Variants in SDK1 observed in about 807,000 individuals in gnomAD.
The protein encoded by SDK1 is protein sidekick-1.
A neutral mutation model predicts 245.5 loss-of-function variants in SDK1; 157 were observed. That is an observed-to-expected ratio of 0.64 (90% CI 0.56 to 0.73). SDK1 has a LOEUF of 0.73. Among genes scored for constraint, SDK1 ranks in the 30% least tolerant of loss-of-function variants. The pLI, the probability that SDK1 is intolerant of heterozygous loss-of-function variation, is 0.00. For missense variants in SDK1, 3,583 were observed against 3,002.3 expected, an observed-to-expected ratio of 1.19 and a Z score of -4.52; for synonymous variants, 1,647 against 1,278.5, an observed-to-expected ratio of 1.29 and a Z score of -6.15.
chr7:3,480,854 T>C (rs1356317237), intron 1 of SDK1, among the ~76,000 whole-genome samples: 1 of 152,224 alleles, frequency 6.6e-6, no homozygotes, highest in Non-Finnish European at 1.5e-5. Flanking sequence ...GCAGCTTTGT[T>C]GGTTGTAGCC....
intron 44 of SDK1, among the ~76,000 whole-genome samples, chr7:4,247,600 C>A (rs1046974718): frequency 6.6e-6 from 1 of 152,270 alleles, no homozygotes; most frequent in Non-Finnish European, 1.5e-5. Context: ...GGGCCTGTCC[C>A]TGCTGCCGCT....
intron 4 of SDK1, among the ~76,000 whole-genome samples, chr7:3,723,390 A>T (rs1003004267): frequency 6.6e-6 from 1 of 152,172 alleles, no homozygotes; most frequent in African/African-American, 2.4e-5. Flanking sequence ...ATAAAAGGAA[A>T]CTTCTAAGGG....
At chr7:3,687,204 T>C (rs1304781079) in intron 4 of SDK1, among the ~76,000 whole-genome samples, 1 of 149,906 alleles carries the variant, frequency 6.7e-6, no homozygotes, top group African/African-American at 2.5e-5. Context: ...ATAGAGTCTC[T>C]CTCTGTCGCC....
rs188483779 is a variant in SDK1, at chr7:3,421,767, A to C, written c.298+119883A>C. ...AAAAGTCATAACTCCTCTGATTTAG[A>C]GATGACATTTAGAGTACTGTAGGTT... On this transcript the variant is annotated intron_variant, in intron 1 of 44. Transcript: ENST00000404826. Among the ~76,000 whole-genome samples the C allele has an allele frequency of 2.0e-4, 31 of 152,258 alleles. 2 individuals carry two copies. The highest frequency in any genetic ancestry group is 7.2e-4 in the African/African-American group (30 of 41,532).
chr7:3,980,905 A>G (rs1300565514), intron 13 of SDK1, among the ~76,000 whole-genome samples: 1 of 151,714 alleles, frequency 6.6e-6, no homozygotes, highest in Non-Finnish European at 1.5e-5. Context: ...GCACCACTGC[A>G]CTCCAGCCTG....
chr7:3,709,286 T>G (rs1031096013), intron 4 of SDK1, among the ~76,000 whole-genome samples: 1 of 152,240 alleles, frequency 6.6e-6, no homozygotes, highest in African/African-American at 2.4e-5. Context: ...TTTGGGCTTG[T>G]AAGGTTTCTC....
intron 22 of SDK1, among the ~76,000 whole-genome samples, chr7:4,102,535 T>C (rs1170103339): frequency 2.0e-5 from 3 of 152,162 alleles, no homozygotes; most frequent in African/African-American, 4.8e-5. Context: ...AGCTGCACCT[T>C]GTCTGCTTCC....
chr7:3,783,926 G>C (rs948515262), intron 4 of SDK1, among the ~76,000 whole-genome samples: 1 of 152,072 alleles, frequency 6.6e-6, no homozygotes, highest in African/African-American at 2.4e-5. Flanking sequence ...AAAGCTGAAG[G>C]CATCACACTA....
intron 1 of SDK1, among the ~76,000 whole-genome samples, chr7:3,505,686 C>T (rs1335708431): frequency 2.0e-5 from 3 of 152,152 alleles, no homozygotes; most frequent in East Asian, 3.9e-4. Context: ...TAAACTCGGC[C>T]CTCTATGTCT....
At chr7:3,871,732 C>T (rs1016169456) in intron 5 of SDK1, among the ~76,000 whole-genome samples, 9 of 152,166 alleles carry the variant, frequency 5.9e-5, no homozygotes, top group African/African-American at 2.2e-4. Context: ...AATGACCAAC[C>T]CTTTCGTGAG....
chr7:3,863,114 G>T (rs1487616382), intron 5 of SDK1, among the ~76,000 whole-genome samples: 1 of 152,156 alleles, frequency 6.6e-6, no homozygotes, highest in Non-Finnish European at 1.5e-5. Flanking sequence ...GAGGACTGCT[G>T]GTGCAAACCC....
Position 4,130,097 on chromosome 7 carries a change from G to A in SDK1, c.4129G>A (p.Ala1377Thr), listed in dbSNP as rs768078718. ...CATCCTGGAGCGCACCAAAGACGAT[G>A]GTAGGTCCAGGGTTCGCGCCTTCGG... ...PLILERTKDD[A>T]PGPPVRLVFP... The change falls in exon 27 of 45, where the codon GCC becomes ACC. Residue 1377 changes from alanine (A) to threonine (T), a missense_variant and splice_region_variant. By Grantham distance (58) the Ala-to-Thr change is moderately conservative (BLOSUM62 0). Coordinates refer to ENST00000404826, the MANE Select transcript of SDK1 (RefSeq NM_152744.4). 1 of 1,597,268 alleles carries A rather than the reference G, an allele frequency of 6.3e-7. No individual in the cohort carries two copies. Among genetic ancestry groups the A allele is most frequent in the Non-Finnish European group, 8.6e-7 (1 of 1,168,610 alleles).
chr7:3,301,481 G>C lies in SDK1; in HGVS notation c.-106G>C. On this transcript the variant is annotated 5_prime_UTR_variant, in exon 1 of 45. Coordinates refer to ENST00000404826, the MANE Select transcript of SDK1 (RefSeq NM_152744.4). ...CTGGGCGGCCGCTCACCTCGGGCCG[G>C]GGGGCGCCGCGCCTCCCGCGGAGTG... The C allele has an allele frequency of 3.7e-6, 1 of 273,150 alleles. No individual in the cohort carries two copies. The highest frequency in any genetic ancestry group is 5.5e-6 in the Non-Finnish European group (1 of 181,932). The allele number at this position is 273,150 out of a possible 1,614,324, so 16.9% of individuals were successfully genotyped here.
intron 28 of SDK1, among the ~76,000 whole-genome samples, chr7:4,145,151 G>T (rs1272207304): frequency 6.6e-6 from 1 of 152,176 alleles, no homozygotes; most frequent in African/African-American, 2.4e-5. Flanking sequence ...TGCCCTGGCG[G>T]AGCTGCTCGG....
intron 28 of SDK1, among the ~76,000 whole-genome samples, chr7:4,134,003 C>T (rs1164977290): frequency 6.6e-6 from 1 of 152,130 alleles, no homozygotes; most frequent in East Asian, 1.9e-4. Flanking sequence ...CTGTGTTGAA[C>T]GGCAGCAGGA....
intron 4 of SDK1, among the ~76,000 whole-genome samples, chr7:3,776,112 C>G (rs986674984): frequency 6.6e-6 from 1 of 152,202 alleles, no homozygotes; most frequent in African/African-American, 2.4e-5. Flanking sequence ...GATAGCAACT[C>G]ATGTATGCTG....
chr7:3,987,207 G>C lies in SDK1; in HGVS notation c.2016G>C (p.Gln672His). 6.2e-7 allele frequency: 1 copy of C among 1,614,086 alleles called. No individual in the cohort carries two copies. Among genetic ancestry groups the C allele is most frequent in the Non-Finnish European group, 8.5e-7 (1 of 1,180,014 alleles). The change falls in exon 14 of 45, where the codon CAG (glutamine) becomes CAC (histidine). Residue 672 changes from glutamine to histidine, a missense_variant. Coordinates refer to ENST00000404826, the MANE Select transcript of SDK1 (RefSeq NM_152744.4). ...LEVIELPHSP[Q>H]NLLVSPNSSH... ...CAAGTGAACTGCCTCATTCACCTCAGAACCTCCTGGTCAGCCCTAATTCTT... is the reference window on the plus strand; with the variant it reads ...CAAGTGAACTGCCTCATTCACCTCACAACCTCCTGGTCAGCCCTAATTCTT...
intron 1 of SDK1, among the ~76,000 whole-genome samples, chr7:3,448,329 A>C (rs938264498): frequency 5.3e-5 from 8 of 151,930 alleles, no homozygotes; most frequent in African/African-American, 1.9e-4. Flanking sequence ...TGCTCATATT[A>C]TCTGGCCATT....
At chr7:3,914,596 A>G (rs1246294218) in intron 5 of SDK1, among the ~76,000 whole-genome samples, 1 of 152,212 alleles carries the variant, frequency 6.6e-6, no homozygotes, top group African/African-American at 2.4e-5. Flanking sequence ...GGGAAGTTCA[A>G]AGGCTTGCTC....
Sources: allele counts gnomAD v4.1 joint callset (sites outside exome capture counted in the v4.1 genomes callset), GRCh38; gene constraint gnomAD v4.1.1; transcripts MANE v1.5; gene names NCBI Gene and HGNC (gene_info 2026-07-23, HGNC 2026-07-21).